PROCR: variants seen among roughly 807,000 people sequenced by gnomAD.
PROCR encodes protein C receptor, also known as endothelial protein C receptor.
A neutral mutation model predicts 24.2 loss-of-function variants in PROCR; 22 were observed. That is an observed-to-expected ratio of 0.91 (90% CI 0.65 to 1.30). The LOEUF is 1.30. Ranked by LOEUF, PROCR falls within the 50% of genes most tolerant of loss-of-function variation. The pLI is 0.00. For missense variants in PROCR, 288 were observed against 307.7 expected, an observed-to-expected ratio of 0.94 and a Z score of 0.48; for synonymous variants, 137 against 139.2, an observed-to-expected ratio of 0.98 and a Z score of 0.11.
In PROCR at chr20:35,176,824, G is replaced by T; in HGVS notation, c.*11G>T. The stretch of plus-strand genomic sequence containing the variant: ...GGACGGCGATGTTAATTACTCTCCA[G>T]CCCCCTCAGAAGGGGCTGGATTGAT... On this transcript the variant is annotated 3_prime_UTR_variant, in exon 4 of 4. Coordinates refer to ENST00000216968, the MANE Select transcript of PROCR (RefSeq NM_006404.5). The T allele has an allele frequency of 6.2e-7, 1 of 1,613,054 alleles. No homozygotes were observed. Among genetic ancestry groups the T allele is most frequent in the Non-Finnish European group, 8.5e-7 (1 of 1,179,598 alleles).
Position 35,172,208 on chromosome 20 carries a change from C to G in PROCR, c.54C>G (p.Ser18Arg). The change falls in exon 1 of 4, where the codon AGC (serine) becomes AGG (arginine). Residue 18 changes from serine to arginine, a missense_variant. Coordinates refer to ENST00000216968, the MANE Select transcript of PROCR (RefSeq NM_006404.5). ...TGCTGTCTGGCTGGGCCTTTTGTAG[C>G]CAAGACGCCTCAGATGGTGAGTCGG... ...ILLLSGWAFC[S>R]QDASDGLQRL... is the part of the protein sequence containing the mutation. The G allele has an allele frequency of 1.2e-6, 2 of 1,614,180 alleles. No individual in the cohort carries two copies. The highest frequency in any genetic ancestry group is 1.7e-6 in the Non-Finnish European group (2 of 1,180,038).
Position 35,190,810 on chromosome 20 carries a change from CG to C in PROCR, c.94+14365del, listed in dbSNP as rs2086167186. Among the ~76,000 whole-genome samples, 5 of 152,098 alleles carry C rather than the reference CG, an allele frequency of 3.3e-5. No individual in the cohort carries two copies. The South Asian group carries it at 1.0e-3, about 32-fold the overall frequency. On this transcript the variant is annotated intron_variant, in intron 1 of 1. Transcript: ENST00000634509. ...AAGTCCAACTTCTGACCTCTAAAACCGCATGTGACCGTCCTACATATGTTCA... is the reference window on the plus strand; with the variant it reads ...AAGTCCAACTTCTGACCTCTAAAACCCATGTGACCGTCCTACATATGTTCA...
intron 2 of PROCR, 115 bp downstream of exon 2, chr20:35,175,068 A>C: frequency 8.3e-7 from 1 of 1,209,870 alleles, no homozygotes; most frequent in South Asian, 1.7e-5. Context: ...GGGACCCGGC[A>C]GCCACTGGAG....
chr20:35,174,572 G>T, intron 1 of PROCR, 130 bp from the exon 2 acceptor site: 1 of 1,133,332 alleles, frequency 8.8e-7, no homozygotes, highest in Non-Finnish European at 1.3e-6. Context: ...GAGAAGCGGT[G>T]GGAGGGCACA....
At chr20:35,197,821 CAAA>C (rs66587294) in intron 1 of PROCR, among the ~76,000 whole-genome samples, 8 of 115,840 alleles carry the variant, frequency 6.9e-5, no homozygotes, top group East Asian at 2.4e-4. Context: ...GACTCCGTCT[CAAA>C]AAAAAAAAAA....
intron 1 of PROCR, among the ~76,000 whole-genome samples, chr20:35,205,865 G>T (rs2060339950): frequency 7.4e-6 from 1 of 135,868 alleles, no homozygotes; most frequent in African/African-American, 2.8e-5. Context: ...ATATACATAT[G>T]TATACATGTA....
intron 1 of PROCR, among the ~76,000 whole-genome samples, chr20:35,193,995 G>A (rs926871223): frequency 6.6e-6 from 1 of 152,216 alleles, no homozygotes; most frequent in Non-Finnish European, 1.5e-5. Context: ...AGTGAGGTGT[G>A]ATAAGAGCTG....
At chr20:35,176,606 T>G in intron 3 of PROCR, 92 bp from the exon 4 acceptor site, 1 of 1,571,800 alleles carries the variant, frequency 6.4e-7, no homozygotes. Flanking sequence ...ACGGGTCCCT[T>G]TCCTCTGGGG....
chr20:35,207,448 C>T (rs2060346837), intron 1 of PROCR, among the ~76,000 whole-genome samples: 1 of 151,542 alleles, frequency 6.6e-6, no homozygotes, highest in African/African-American at 2.4e-5. Flanking sequence ...TTTTTCCCCT[C>T]ATATTACTAT....
At chr20:35,197,391 G>A (rs998004075) in intron 1 of PROCR, among the ~76,000 whole-genome samples, 2 of 152,162 alleles carry the variant, frequency 1.3e-5, no homozygotes, top group African/African-American at 4.8e-5. Flanking sequence ...GATAAATGTA[G>A]TATGTGTCTG....
chr20:35,171,911 G>T (rs890584551), upstream of PROCR, among the ~76,000 whole-genome samples: 1 of 152,126 alleles, frequency 6.6e-6, no homozygotes, highest in Admixed American at 6.5e-5. Context: ...GCAGGAGGGA[G>T]CAATGAAGGG....
chr20:35,182,990 A>G (rs1433276586), intron 1 of PROCR, among the ~76,000 whole-genome samples: 8 of 93,414 alleles, frequency 8.6e-5, no homozygotes, highest in South Asian at 3.7e-4. Context: ...AAAAAAAAAA[A>G]AAAAAAAAAG....
chr20:35,209,141 A>G (rs866439264), intron 1 of PROCR, among the ~76,000 whole-genome samples: 1 of 152,184 alleles, frequency 6.6e-6, no homozygotes, highest in African/African-American at 2.4e-5. Context: ...GTGCTATATG[A>G]GGGTATAGAA....
downstream of PROCR, among the ~76,000 whole-genome samples, chr20:35,178,327 C>T (rs555569970): frequency 1.0e-4 from 15 of 144,120 alleles, no homozygotes; most frequent in East Asian, 2.9e-3. Flanking sequence ...TCACTTGAAC[C>T]CGGGAGGCAG....
At position 35,174,950 on chromosome 20, in the gene PROCR, G is replaced by A; in HGVS notation, c.319G>A (p.Ala107Thr). The A allele has an allele frequency of 6.4e-7, 1 of 1,550,400 alleles. No individual in the cohort carries two copies. The highest frequency in any genetic ancestry group is 8.7e-7 in the Non-Finnish European group (1 of 1,148,558). Residue 107 changes from alanine to threonine, a missense_variant, in exon 2 of 4, where the codon GCC (alanine) becomes ACC (threonine). Coordinates refer to ENST00000216968, the MANE Select transcript of PROCR (RefSeq NM_006404.5). ...VRLVHQERTL[A>T]FPLTIRCFLG... is the part of the protein sequence containing the mutation. ...CCTGGTGCACCAGGAGCGGACCTTG[G>A]CCTGTGAGTAGGCGCGCAGCGGGGG...
intron 1 of PROCR, among the ~76,000 whole-genome samples, chr20:35,199,747 C>CA (rs748805879): frequency 0.14 from 10,532 of 75,018 alleles, 610 homozygotes; most frequent in African/African-American, 0.27. Flanking sequence ...GACTGTGTCT[C>CA]AAAAAAAAAA....
chr20:35,204,769 C>T (rs1466207783), intron 1 of PROCR, among the ~76,000 whole-genome samples: 3 of 152,080 alleles, frequency 2.0e-5, no homozygotes, highest in African/African-American at 4.8e-5. Context: ...AAAAACTTAG[C>T]TCATTTTATG....
intron 1 of PROCR, chr20:35,215,785 C>A: frequency 1.3e-6 from 1 of 776,908 alleles, no homozygotes; most frequent in Non-Finnish European, 1.6e-6. Flanking sequence ...TTTTCATTGA[C>A]TGTTAGCTGC....
At chr20:35,204,382 C>CTCCT (rs1171316880) in intron 1 of PROCR, among the ~76,000 whole-genome samples, 3 of 138,578 alleles carry the variant, frequency 2.2e-5, no homozygotes, top group Non-Finnish European at 4.6e-5. Context: ...CCCTCCCTCC[C>CTCCT]TCCTTCCTTC....
Sources: gnomAD v4.1 joint callset for allele counts (sites outside exome capture counted in the v4.1 genomes callset) on GRCh38, gnomAD v4.1.1 for gene constraint, MANE v1.5 for transcripts, NCBI Gene and HGNC (gene_info 2026-07-23, HGNC 2026-07-21) for gene names.